PLB1: variants seen among roughly 807,000 people sequenced by gnomAD.
The protein encoded by PLB1 is phospholipase B1, also known as phospholipase B1, membrane-associated.
PLB1 carries 242 observed loss-of-function variants against 227.4 expected under a neutral mutation model. The ratio of observed to expected loss-of-function variants is 1.06; its 90% CI spans 0.96 to 1.18. PLB1 has a LOEUF of 1.18. Among genes scored for constraint, PLB1 ranks in the 50% most tolerant of loss-of-function variants. PLB1 has a pLI of 0.00. For missense variants in PLB1, 1,858 were observed against 1,816.3 expected, an observed-to-expected ratio of 1.02 and a Z score of -0.42; for synonymous variants, 757 against 682.2, an observed-to-expected ratio of 1.11 and a Z score of -1.71.
chr2:28,582,349 G>T, intron 24 of PLB1, 56 bp from the exon 25 acceptor site: 1 of 1,497,778 alleles, frequency 6.7e-7, no homozygotes, highest in South Asian at 1.2e-5. Flanking sequence ...GCCCCAAACC[G>T]AGGTGAAAGG....
intron 51 of PLB1, among the ~76,000 whole-genome samples, 190 bp from the exon 52 acceptor site, chr2:28,628,373 G>T (rs781207614): frequency 6.6e-6 from 1 of 152,106 alleles, no homozygotes; most frequent in Non-Finnish European, 1.5e-5. Flanking sequence ...TGTCTAGTAG[G>T]GGACAAGGGA....
Position 28,597,993 on chromosome 2 carries a change from C to T in PLB1, c.2322-12C>T, listed in dbSNP as rs773689098. 4 of 1,611,672 alleles carry T rather than the reference C, an allele frequency of 2.5e-6. No homozygotes were observed. The South Asian group carries it at 4.4e-5, about 18-fold the overall frequency. ...TCTCCCTCTCATTCACTGGCTTGCT[C>T]ACTCCCTACAGTGCAGGAGGGGACG... On this transcript the variant is annotated splice_polypyrimidine_tract_variant and intron_variant, in intron 33 of 57. Coordinates refer to ENST00000327757, the MANE Select transcript of PLB1 (RefSeq NM_153021.5).
intron 9 of PLB1, among the ~76,000 whole-genome samples, chr2:28,534,747 G>T (rs747688236): frequency 3.3e-5 from 5 of 152,050 alleles, no homozygotes; most frequent in African/African-American, 4.8e-5. Flanking sequence ...CCAGCTACTC[G>T]GGAGGCTGAG....
chr2:28,497,873 C>T (rs1328873652), intron 1 of PLB1, among the ~76,000 whole-genome samples: 1 of 152,150 alleles, frequency 6.6e-6, no homozygotes, highest in East Asian at 1.9e-4. Context: ...TGCCTGCCGC[C>T]GTGCCTGGCT....
chr2:28,639,980 C>T (rs989237047), intron 56 of PLB1, among the ~76,000 whole-genome samples: 10 of 152,158 alleles, frequency 6.6e-5, no homozygotes, highest in African/African-American at 2.2e-4. Context: ...CGTGCTCAGT[C>T]TAGTCACCCT....
At chr2:28,608,241 A>G (rs775522236) in intron 43 of PLB1, among the ~76,000 whole-genome samples, 16 of 152,230 alleles carry the variant, frequency 1.1e-4, no homozygotes, top group Non-Finnish European at 1.9e-4. Context: ...TGGCCAGCCC[A>G]ACTTCACTGT....
intron 35 of PLB1, among the ~76,000 whole-genome samples, chr2:28,599,086 C>G (rs921550125): frequency 2.0e-5 from 3 of 152,228 alleles, no homozygotes; most frequent in Admixed American, 1.3e-4. Flanking sequence ...ATCCACTCCC[C>G]GCAGAACCTC....
intron 20 of PLB1, 97 bp downstream of exon 20, chr2:28,566,936 G>T (rs1426645970): frequency 2.1e-6 from 3 of 1,399,526 alleles, no homozygotes; most frequent in Non-Finnish European, 3.0e-6. Context: ...GAGGAGCCCC[G>T]GCTGCAGGAG....
At chr2:28,581,375 G>A (rs1308930721) in intron 23 of PLB1, among the ~76,000 whole-genome samples, 1 of 147,836 alleles carries the variant, frequency 6.8e-6, no homozygotes, top group Admixed American at 6.8e-5. Flanking sequence ...TCAGATTGCA[G>A]GAGATCTTAG....
At chr2:28,497,009 G>A (rs4128451) in intron 1 of PLB1, among the ~76,000 whole-genome samples, 65,217 of 152,038 alleles carry the variant, frequency 0.43, 16,076 homozygotes, top group Middle Eastern at 0.64. Context: ...GTCAGTTACC[G>A]CTCTGAGCCG....
At chr2:28,641,670 G>T (rs1255589003) in intron 57 of PLB1, among the ~76,000 whole-genome samples, 1 of 152,132 alleles carries the variant, frequency 6.6e-6, no homozygotes. Flanking sequence ...GGGATCGGGA[G>T]GCAAAGATAA....
chr2:28,623,352 A>T (rs1356100055), intron 49 of PLB1, among the ~76,000 whole-genome samples: 4 of 152,120 alleles, frequency 2.6e-5, no homozygotes, highest in Admixed American at 2.0e-4. Flanking sequence ...GATGGGAAGA[A>T]GATGGCTAGG....
intron 14 of PLB1, 112 bp downstream of exon 14, chr2:28,543,380 A>C: frequency 8.5e-7 from 1 of 1,170,530 alleles, no homozygotes. Context: ...TCCCAGGACA[A>C]TGGTTCTGGG....
At chr2:28,629,979 C>T in intron 53 of PLB1, among the ~76,000 whole-genome samples, 1 of 152,178 alleles carries the variant, frequency 6.6e-6, no homozygotes, top group Non-Finnish European at 1.5e-5. Flanking sequence ...CCAGCTGGTT[C>T]CCATTTTTGC....
chr2:28,585,275 C>CT (rs368423519), intron 25 of PLB1, among the ~76,000 whole-genome samples: 2,023 of 144,920 alleles, frequency 0.014, 12 homozygotes, highest in Middle Eastern at 0.029. Flanking sequence ...AGGAATTTTT[C>CT]TTTTTTTTTT....
intron 45 of PLB1, 88 bp downstream of exon 45, chr2:28,617,875 T>C: frequency 7.5e-7 from 1 of 1,340,852 alleles, no homozygotes; most frequent in Non-Finnish European, 1.1e-6. Context: ...CCCTGGAGCT[T>C]TAAGCAGGAC....
At position 28,601,355 on chromosome 2, in the gene PLB1, C is replaced by T. The variant is rs758553683; in HGVS notation, c.2607+23C>T. On this transcript the variant is annotated intron_variant, in intron 37 of 57. Transcript: ENST00000327757. ...TCGGTAATTGGGGCCAGGTCCAGGC[C>T]TACTTGTTGTTCCTAACTTTGCCCA... 6.9e-6 allele frequency: 11 copies of T among 1,605,526 alleles called. No individual in the cohort carries two copies. The South Asian group carries it at 9.9e-5, about 14-fold the overall frequency.
chr2:28,549,205 C>T (rs1488825224), intron 15 of PLB1, among the ~76,000 whole-genome samples: 2 of 152,150 alleles, frequency 1.3e-5, no homozygotes, highest in African/African-American at 4.8e-5. Flanking sequence ...GCCTCTGGGT[C>T]CTGGCCCTCT....
intron 17 of PLB1, among the ~76,000 whole-genome samples, chr2:28,560,015 G>A (rs1344885446): frequency 1.3e-5 from 2 of 152,106 alleles, no homozygotes; most frequent in Admixed American, 6.5e-5. Context: ...GCCTCCCAAA[G>A]TGCTGGGATT....
Sources: gnomAD v4.1 joint callset for allele counts (sites outside exome capture counted in the v4.1 genomes callset) on GRCh38, gnomAD v4.1.1 for gene constraint, MANE v1.5 for transcripts, NCBI Gene and HGNC (gene_info 2026-07-23, HGNC 2026-07-21) for gene names.